The following AGBL1 variants were observed in gnomAD, a reference collection of about 807,000 sequenced individuals.
AGBL1 encodes the protein AGBL carboxypeptidase 1.
AGBL1 carries 130 observed loss-of-function variants against 118.9 expected under a neutral mutation model. The observed-to-expected ratio is 1.09, with a 90% CI of 0.95 to 1.26. AGBL1 has a LOEUF of 1.26. Ranked by LOEUF, AGBL1 falls within the 50% of genes most tolerant of loss-of-function variation. The probability of loss-of-function intolerance (pLI) is 0.00; values close to 1 mark genes in which losing one functional copy is unlikely to be tolerated. For synonymous variants in AGBL1, 555 were observed against 478.9 expected, an observed-to-expected ratio of 1.16 and a Z score of -2.08; for missense variants, 1,584 against 1,298.1, an observed-to-expected ratio of 1.22 and a Z score of -3.38.
chr15:86,958,968 T>G (rs2080961383), intron 23 of AGBL1, among the ~76,000 whole-genome samples: 1 of 152,128 alleles, frequency 6.6e-6, no homozygotes, highest in Non-Finnish European at 1.5e-5. Flanking sequence ...ATATTTGAAA[T>G]GTTAAAACAC....
chr15:86,429,022 T>C (rs950225560), intron 18 of AGBL1, among the ~76,000 whole-genome samples: 1 of 152,204 alleles, frequency 6.6e-6, no homozygotes, highest in Non-Finnish European at 1.5e-5. Flanking sequence ...TGGGAAAATA[T>C]GGCTGCTGGT....
chr15:86,602,543 C>T (rs1012211702), intron 21 of AGBL1, among the ~76,000 whole-genome samples: 3 of 152,096 alleles, frequency 2.0e-5, no homozygotes, highest in African/African-American at 4.8e-5. Context: ...GGGCAAATTC[C>T]AGTCAAGTTT....
In AGBL1 at chr15:86,545,411, A is replaced by T. The variant is rs150794028; in HGVS notation, c.2686-591A>T. On this transcript the variant is annotated intron_variant, in intron 19 of 22. Transcript: ENST00000614907. ...TTGACTTTTATTTTAATTTTTTTTAACCTTCAAGTTCAGGGGTACAAGTAC... is the reference window on the plus strand; with the variant it reads ...TTGACTTTTATTTTAATTTTTTTTATCCTTCAAGTTCAGGGGTACAAGTAC... Among the ~76,000 whole-genome samples, 934 of 152,124 alleles carry T rather than the reference A, an allele frequency of 6.1e-3. 5 individuals carry two copies. The highest frequency in any genetic ancestry group is 0.01 in the Non-Finnish European group (704 of 67,996).
chr15:86,520,941 C>T (rs2083182133), intron 18 of AGBL1, among the ~76,000 whole-genome samples: 1 of 152,268 alleles, frequency 6.6e-6, no homozygotes, highest in South Asian at 2.1e-4. Context: ...CATATTTTAC[C>T]TTCATCCTTG....
At chr15:86,821,387 T>A (rs934348448) in intron 22 of AGBL1, among the ~76,000 whole-genome samples, 1 of 152,122 alleles carries the variant, frequency 6.6e-6, no homozygotes. Flanking sequence ...AGAATAACAT[T>A]GAATTTGAAA....
chr15:86,632,222 C>G (rs112339622), intron 21 of AGBL1, among the ~76,000 whole-genome samples: 16,675 of 147,190 alleles, frequency 0.11, 1,068 homozygotes, highest in East Asian at 0.15. Context: ...GAGTTATGAT[C>G]ATGCCACTGC....
At chr15:86,967,915 G>C (rs1254808693) in intron 23 of AGBL1, among the ~76,000 whole-genome samples, 1 of 152,050 alleles carries the variant, frequency 6.6e-6, no homozygotes, top group South Asian at 2.1e-4. Flanking sequence ...ATTACCTTGG[G>C]CAGTATGGCC....
At chr15:86,335,216 G>T (rs1269057220) in intron 17 of AGBL1, among the ~76,000 whole-genome samples, 4 of 151,706 alleles carry the variant, frequency 2.6e-5, no homozygotes, top group Middle Eastern at 3.4e-3. Flanking sequence ...TCGGCTCACT[G>T]CAACCTCCGC....
At chr15:86,173,414 T>C (rs2077441008) in intron 5 of AGBL1, 1 of 152,142 alleles carries the variant, frequency 6.6e-6, no homozygotes, top group African/African-American at 2.4e-5. Context: ...CTGCTGATTG[T>C]TTCCTTTTCT....
chr15:86,562,643 T>G (rs1278438997), intron 21 of AGBL1, among the ~76,000 whole-genome samples: 4 of 152,224 alleles, frequency 2.6e-5, no homozygotes, highest in Admixed American at 2.0e-4. Context: ...GGTAGCAGGA[T>G]GATGCTGGCC....
At chr15:86,661,746 G>T (rs896977118) in intron 21 of AGBL1, among the ~76,000 whole-genome samples, 2 of 152,048 alleles carry the variant, frequency 1.3e-5, no homozygotes, top group African/African-American at 2.4e-5. Flanking sequence ...GGGAGATGGT[G>T]CTAAGCACGG....
intron 21 of AGBL1, among the ~76,000 whole-genome samples, chr15:86,641,073 T>C (rs2085182196): frequency 6.6e-6 from 1 of 152,134 alleles, no homozygotes; most frequent in Non-Finnish European, 1.5e-5. Context: ...AATGTTTTCC[T>C]TCTTAATTGA....
chr15:86,554,509 A>T lies in AGBL1; in HGVS notation c.2966A>T (p.Tyr989Phe). ...AGAAGCTACACCATGGAAAGCAGCT[A>T]CTGTGGCTGCAACCAGGGCCCTTAT... ...VSRSYTMESS[Y>F]CGCNQGPYQG... Residue 989 changes from tyrosine (Y) to phenylalanine (F), a missense_variant, in exon 21 of 23, where the codon TAC becomes TTC. Tyr to Phe is a conservative substitution (Grantham distance 22). Coordinates refer to ENST00000614907, the MANE Select transcript of AGBL1 (RefSeq NM_001386094.1). 1 of 1,557,894 alleles carries T rather than the reference A, an allele frequency of 6.4e-7. No individual in the cohort carries two copies. Among genetic ancestry groups the T allele is most frequent in the Non-Finnish European group, 8.7e-7 (1 of 1,154,534 alleles).
At chr15:86,546,596 G>GT (rs2083586512) in intron 20 of AGBL1, among the ~76,000 whole-genome samples, 3 of 152,124 alleles carry the variant, frequency 2.0e-5, no homozygotes, top group African/African-American at 7.2e-5. Context: ...CAAATAAATA[G>GT]GAAGGGATGA....
chr15:86,852,064 C>A (rs780913754), intron 22 of AGBL1, among the ~76,000 whole-genome samples: 1 of 152,000 alleles, frequency 6.6e-6, no homozygotes, highest in South Asian at 2.1e-4. Context: ...TGTATTCATC[C>A]GTATTCACAC....
chr15:86,896,606 C>T, intron 22 of AGBL1, among the ~76,000 whole-genome samples: 1 of 152,034 alleles, frequency 6.6e-6, no homozygotes, highest in Non-Finnish European at 1.5e-5. Context: ...CATTACTTTC[C>T]CATATTTAAA....
intron 22 of AGBL1, among the ~76,000 whole-genome samples, chr15:86,799,170 A>T (rs1249720716): frequency 5.3e-5 from 8 of 151,392 alleles, no homozygotes; most frequent in African/African-American, 1.9e-4. Context: ...ATTTTATTTT[A>T]CTTTATTTTA....
intron 5 of AGBL1, among the ~76,000 whole-genome samples, chr15:86,224,645 G>C (rs557697727): frequency 1.8e-4 from 28 of 152,260 alleles, no homozygotes; most frequent in African/African-American, 6.7e-4. Context: ...AAGGAAGTTG[G>C]TGGAAGGTGG....
intron 23 of AGBL1, among the ~76,000 whole-genome samples, chr15:86,946,651 C>T (rs1438794675): frequency 6.6e-6 from 1 of 151,716 alleles, no homozygotes; most frequent in East Asian, 1.9e-4. Flanking sequence ...AGTTCGAGAC[C>T]AGCCTGACCA....
Sources: allele counts gnomAD v4.1 joint callset (sites outside exome capture counted in the v4.1 genomes callset), GRCh38; gene constraint gnomAD v4.1.1; transcripts MANE v1.5; gene names NCBI Gene and HGNC (gene_info 2026-07-23, HGNC 2026-07-21).